AGO3: variants seen among roughly 807,000 people sequenced by gnomAD.
AGO3 encodes argonaute RISC catalytic component 3.
In AGO3, 16 loss-of-function variants were observed where a neutral mutation model predicts 105.5. The observed-to-expected ratio is 0.15, with a 90% CI of 0.10 to 0.23. The LOEUF (loss-of-function observed/expected upper bound fraction) is 0.23, where lower values mean the gene tolerates loss of function less well. Ranked by LOEUF, AGO3 falls within the 10% of genes least tolerant of loss-of-function variation. AGO3 has a pLI of 1.00. For missense variants in AGO3, 534 were observed against 1,088.0 expected, an observed-to-expected ratio of 0.49 and a Z score of 7.16; for synonymous variants, 340 against 367.3, an observed-to-expected ratio of 0.93 and a Z score of 0.85.
At chr1:36,004,855 TC>T (rs1200557654) in intron 6 of AGO3, among the ~76,000 whole-genome samples, 4 of 152,140 alleles carry the variant, frequency 2.6e-5, no homozygotes. Flanking sequence ...TATAATGACT[TC>T]CTTATTTTTC....
rs1569732554 is a variant in AGO3 at position 36,004,366 on chromosome 1, A to G, written c.684A>G (p.Ala228=). The G allele has an allele frequency of 1.9e-6, 3 of 1,608,824 alleles. No individual in the cohort carries two copies. The highest frequency in any genetic ancestry group is 2.5e-6 in the Non-Finnish European group (3 of 1,176,886). ...TTTCTGCCACTGCCTTCTACAAAGC[A>G]CAACCTGTAATTCAGTTCATGTGTG... is the stretch of plus-strand genomic sequence containing the variant. The part of the protein sequence containing the change: ...IDVSATAFYK[A]QPVIQFMCEV... The change falls in exon 6 of 19, where the codon GCA becomes GCG. Residue 228 remains alanine, a synonymous_variant. Transcript: ENST00000373191.
At chr1:36,011,729 C>G (rs189896474) in intron 9 of AGO3, among the ~76,000 whole-genome samples, 11 of 152,296 alleles carry the variant, frequency 7.2e-5, no homozygotes, top group African/African-American at 2.2e-4. Flanking sequence ...AGAGTAGACA[C>G]TCTAGAATCA....
chr1:35,975,546 TG>T (rs200082042), intron 5 of AGO3, among the ~76,000 whole-genome samples: 3 of 152,186 alleles, frequency 2.0e-5, no homozygotes, highest in Admixed American at 6.5e-5. Flanking sequence ...ATGTTTTTTT[TG>T]TTGTTGTTTT....
At chr1:35,956,921 T>C (rs1474388739) in intron 2 of AGO3, among the ~76,000 whole-genome samples, 1 of 151,728 alleles carries the variant, frequency 6.6e-6, no homozygotes, top group East Asian at 2.0e-4. Flanking sequence ...GTTGCTAGGA[T>C]TACAGGCATG....
chr1:36,034,038 C>T (rs1641901121), intron 12 of AGO3, 136 bp from the exon 13 acceptor site: 1 of 726,880 alleles, frequency 1.4e-6, no homozygotes, highest in Non-Finnish European at 2.0e-6. Context: ...CGCCTTAGTA[C>T]TGTATTGGCA....
chr1:35,932,962 C>T (rs1646081267), intron 1 of AGO3, among the ~76,000 whole-genome samples: 1 of 137,518 alleles, frequency 7.3e-6, no homozygotes, highest in Non-Finnish European at 1.5e-5. Context: ...GATATTGTGC[C>T]CATATATATG....
chr1:35,944,497 CT>C (rs1571412696), intron 1 of AGO3, among the ~76,000 whole-genome samples: 1 of 146,076 alleles, frequency 6.8e-6, no homozygotes, highest in East Asian at 2.0e-4. Context: ...CCTTTTCCTC[CT>C]TTTTAAAAGA....
chr1:35,983,769 A>G (rs1472223853), intron 5 of AGO3, among the ~76,000 whole-genome samples: 1 of 152,186 alleles, frequency 6.6e-6, no homozygotes, highest in Non-Finnish European at 1.5e-5. Flanking sequence ...CCAGGTATGA[A>G]TGGTGGTACT....
chr1:35,956,437 A>T (rs992354214), intron 2 of AGO3, among the ~76,000 whole-genome samples: 1 of 152,154 alleles, frequency 6.6e-6, no homozygotes, highest in African/African-American at 2.4e-5. Flanking sequence ...CAAAATGGAG[A>T]TTGTGATTCG....
intron 11 of AGO3, among the ~76,000 whole-genome samples, chr1:36,024,984 A>G (rs915772824): frequency 1.1e-4 from 17 of 151,782 alleles, no homozygotes; most frequent in Non-Finnish European, 1.9e-4. Context: ...TATCCTCTCT[A>G]TTTGTGCTTG....
At chr1:35,946,183 T>C (rs892750902) in intron 2 of AGO3, among the ~76,000 whole-genome samples, 1 of 152,200 alleles carries the variant, frequency 6.6e-6, no homozygotes, top group Non-Finnish European at 1.5e-5. Context: ...CCATGCTTGC[T>C]TTTTTCTCCT....
At chr1:35,996,824 G>C (rs1401441831) in intron 5 of AGO3, among the ~76,000 whole-genome samples, 1 of 151,026 alleles carries the variant, frequency 6.6e-6, no homozygotes, top group Non-Finnish European at 1.5e-5. Context: ...AGAAGATGCA[G>C]AACATCGTTG....
chr1:35,946,891 A>G (rs1210647532), intron 2 of AGO3, among the ~76,000 whole-genome samples: 4 of 152,242 alleles, frequency 2.6e-5, no homozygotes, highest in Admixed American at 6.5e-5. Context: ...TAAGAAGTTA[A>G]CTAATCCAAT....
In AGO3 at chr1:36,053,895, C is replaced by T. The variant is rs113584446; in HGVS notation, c.2275-1051C>T. ...TCCTGAGTAGCTGGGCTTACAGGCA[C>T]GCATCACCACGCCTAGCTAATTTTT... On this transcript the variant is annotated intron_variant, in intron 17 of 18. Coordinates refer to ENST00000373191, the MANE Select transcript of AGO3 (RefSeq NM_024852.4). Among the ~76,000 whole-genome samples the T allele has an allele frequency of 1.1e-3, 160 of 152,020 alleles. 1 individual carries two copies. Among genetic ancestry groups the T allele is most frequent in the African/African-American group, 3.7e-3 (155 of 41,478 alleles).
chr1:36,047,659 C>T (rs993808047), intron 17 of AGO3, among the ~76,000 whole-genome samples: 6 of 152,028 alleles, frequency 3.9e-5, no homozygotes, highest in African/African-American at 1.4e-4. Flanking sequence ...GTGGGCAGAC[C>T]GCTTTTGCTC....
chr1:35,931,268 G>A lies in AGO3; in HGVS notation c.-159G>A. On this transcript the variant is annotated 5_prime_UTR_variant, in exon 1 of 19. Coordinates refer to ENST00000373191, the MANE Select transcript of AGO3 (RefSeq NM_024852.4). ...CCGTCCGCGACTCTTCCGGCCCAGA[G>A]CTTTCGGAGTGCGGTTGCTCAGGGG... 9.5e-6 allele frequency: 5 copies of A among 526,880 alleles called. No homozygotes were observed. The highest frequency in any genetic ancestry group is 2.0e-5 in the African/African-American group (1 of 50,232). The allele number at this position is 526,880 out of a possible 1,614,324, so 32.6% of individuals were successfully genotyped here.
intron 1 of AGO3, among the ~76,000 whole-genome samples, chr1:35,937,307 G>C (rs886669597): frequency 4.6e-5 from 7 of 151,932 alleles, no homozygotes; most frequent in African/African-American, 1.7e-4. Context: ...GGAGGCTGAG[G>C]CAGGAGAATC....
Position 35,943,109 on chromosome 1 carries a change from T to C in AGO3, c.20-2583T>C, listed in dbSNP as rs185889996. Among the ~76,000 whole-genome samples, 367 of 151,924 alleles carry C rather than the reference T, an allele frequency of 2.4e-3. 2 individuals are homozygous for C. Among genetic ancestry groups the C allele is most frequent in the African/African-American group, 8.5e-3 (354 of 41,444 alleles). ...CCTCCACCTCCCAGGTTCAAGTGAT[T>C]CTCCTGCCTCAGCCTCCCAAGTAGC... On this transcript the variant is annotated intron_variant, in intron 1 of 18. Transcript: ENST00000373191.
intron 17 of AGO3, among the ~76,000 whole-genome samples, chr1:36,053,851 C>T (rs994507906): frequency 6.7e-6 from 1 of 148,308 alleles, no homozygotes; most frequent in Non-Finnish European, 1.5e-5. Flanking sequence ...CTGGTTCAAG[C>T]GATTCTCCTG....
Sources: allele counts gnomAD v4.1 joint callset (sites outside exome capture counted in the v4.1 genomes callset), GRCh38; gene constraint gnomAD v4.1.1; transcripts MANE v1.5; gene names NCBI Gene and HGNC (gene_info 2026-07-23, HGNC 2026-07-21).